Variants in CNTLN observed in about 807,000 individuals in gnomAD.
CNTLN encodes centlein, also known as centlein, centrosomal protein.
Under a neutral mutation model 180.0 loss-of-function variants are expected in CNTLN, and 212 were observed. That is an observed-to-expected ratio of 1.18 (90% CI 1.05 to 1.32). The LOEUF (loss-of-function observed/expected upper bound fraction) is 1.32, where lower values mean the gene tolerates loss of function less well. Ranked by LOEUF, CNTLN falls within the 40% of genes most tolerant of loss-of-function variation. The pLI is 0.00. For missense variants in CNTLN, 2,095 were observed against 1,610.9 expected (o/e 1.30, Z -5.14); for synonymous variants, 722 against 563.1 (o/e 1.28, Z -3.99).
rs1825564826 is a variant in CNTLN at position 17,384,865 on chromosome 9, T to G, written c.1988-3297T>G. 2.0e-5 allele frequency among the ~76,000 whole-genome samples: 3 copies of G among 152,202 alleles called. No homozygotes were observed. The South Asian group carries it at 6.2e-4, about 31-fold the overall frequency. On this transcript the variant is annotated intron_variant, in intron 13 of 25. Transcript: ENST00000380647. ...CCCAACAACTAACTCATTGCTTCTC[T>G]AAACTCCAATTGGGCAATTCAGTTC...
the CNTLN span, among the ~76,000 whole-genome samples, chr9:17,526,879 G>A: frequency 6.6e-6 from 1 of 151,016 alleles, no homozygotes; most frequent in Admixed American, 6.6e-5. Context: ...GTCTTGCTGT[G>A]TCACCCAGGC....
In CNTLN at chr9:17,456,087, T is replaced by C. The variant is rs567312334; in HGVS notation, c.3115-1437T>C. On this transcript the variant is annotated intron_variant, in intron 18 of 25. Coordinates refer to ENST00000380647, the MANE Select transcript of CNTLN (RefSeq NM_017738.4). ...ATAATGAGGGTTTGCATTAAGAGAGTGGCTGAAAGGAATGAAAATGAGAAA... is the reference window on the plus strand; with the variant it reads ...ATAATGAGGGTTTGCATTAAGAGAGCGGCTGAAAGGAATGAAAATGAGAAA... Among the ~76,000 whole-genome samples the C allele has an allele frequency of 1.2e-3, 180 of 151,992 alleles. 1 individual carries two copies. Among genetic ancestry groups the C allele is most frequent in the South Asian group, 3.7e-3 (18 of 4,812 alleles).
chr9:17,420,983 GGTCTATT>G (rs1296479767), intron 18 of CNTLN, among the ~76,000 whole-genome samples: 1 of 152,048 alleles, frequency 6.6e-6, no homozygotes, highest in African/African-American at 2.4e-5. Flanking sequence ...CCTAACATAT[GGTCTATT>G]CTTGAGACTC....
intron 18 of CNTLN, among the ~76,000 whole-genome samples, chr9:17,452,954 A>G (rs1830871034): frequency 6.6e-6 from 1 of 152,196 alleles, no homozygotes; most frequent in South Asian, 2.1e-4. Flanking sequence ...GGTAGAGGCA[A>G]TTTATATTTC....
At chr9:17,436,979 G>A (rs1829815100) in intron 18 of CNTLN, among the ~76,000 whole-genome samples, 1 of 152,174 alleles carries the variant, frequency 6.6e-6, no homozygotes, top group Non-Finnish European at 1.5e-5. Flanking sequence ...CGTGGCTTTT[G>A]CCAGATGAAG....
intron 2 of CNTLN, among the ~76,000 whole-genome samples, chr9:17,160,986 A>G (rs977882124): frequency 2.0e-5 from 3 of 152,194 alleles, no homozygotes; most frequent in African/African-American, 7.2e-5. Flanking sequence ...AATACTCTCT[A>G]ATAGGAAAGA....
chr9:17,484,533 A>C (rs1475629693), intron 24 of CNTLN, 53 bp downstream of exon 24: 26 of 1,381,542 alleles, frequency 1.9e-5, no homozygotes, highest in Non-Finnish European at 2.6e-5. Context: ...ACTGGACTTA[A>C]GTAGATATTT....
intron 6 of CNTLN, among the ~76,000 whole-genome samples, chr9:17,296,956 A>G (rs1227871644): frequency 3.9e-5 from 6 of 152,170 alleles, no homozygotes; most frequent in African/African-American, 1.4e-4. Flanking sequence ...AAGACATTTT[A>G]TGTGAATGAA....
intron 5 of CNTLN, among the ~76,000 whole-genome samples, chr9:17,267,552 G>A (rs560478360): frequency 9.2e-5 from 14 of 151,758 alleles, no homozygotes; most frequent in South Asian, 8.3e-4. Context: ...TCTTTGTGGC[G>A]TTCTCTGTGT....
intron 13 of CNTLN, 48 bp downstream of exon 13, chr9:17,366,765 G>A (rs1219017917): frequency 3.9e-6 from 4 of 1,033,980 alleles, no homozygotes; most frequent in East Asian, 5.1e-5. Flanking sequence ...TTAAAATTGT[G>A]TAATTCTTGA....
chr9:17,508,600 C>T (rs993887064), downstream of CNTLN, among the ~76,000 whole-genome samples: 30 of 152,278 alleles, frequency 2.0e-4, no homozygotes, highest in Middle Eastern at 6.8e-3. Context: ...CCCTGGCCGC[C>T]ACCGACCTGT....
intron 13 of CNTLN, among the ~76,000 whole-genome samples, chr9:17,383,659 A>C: frequency 6.6e-6 from 1 of 151,284 alleles, no homozygotes; most frequent in Non-Finnish European, 1.5e-5. Flanking sequence ...TTTTTTTGAG[A>C]TGGAGCCTTG....
intron 7 of CNTLN, among the ~76,000 whole-genome samples, chr9:17,306,341 G>T (rs2132876872): frequency 6.6e-6 from 1 of 152,164 alleles, no homozygotes; most frequent in South Asian, 2.1e-4. Flanking sequence ...TAGAGACAGG[G>T]TTTCTCCATG....
At chr9:17,158,432 A>G (rs752023726) in intron 2 of CNTLN, among the ~76,000 whole-genome samples, 3 of 152,130 alleles carry the variant, frequency 2.0e-5, no homozygotes. Context: ...AAATTTTATG[A>G]AGAATTTTTG....
chr9:17,429,820 A>T (rs1349255143), intron 18 of CNTLN, among the ~76,000 whole-genome samples: 1 of 151,966 alleles, frequency 6.6e-6, no homozygotes, highest in Non-Finnish European at 1.5e-5. Context: ...TACCCCTTTT[A>T]AGTATAGTAG....
intron 18 of CNTLN, among the ~76,000 whole-genome samples, chr9:17,432,059 C>T (rs1182299686): frequency 6.6e-6 from 1 of 151,886 alleles, no homozygotes; most frequent in Non-Finnish European, 1.5e-5. Flanking sequence ...TATTTTCATC[C>T]TTATGGTGAT....
At chr9:17,297,602 G>A (rs527632669) in intron 6 of CNTLN, among the ~76,000 whole-genome samples, 1 of 152,162 alleles carries the variant, frequency 6.6e-6, no homozygotes, top group Non-Finnish European at 1.5e-5. Flanking sequence ...GGGTAGGTTC[G>A]AAGGACTGGA....
chr9:17,173,554 A>C (rs1325139718), intron 2 of CNTLN, among the ~76,000 whole-genome samples: 1 of 152,168 alleles, frequency 6.6e-6, no homozygotes, highest in African/African-American at 2.4e-5. Flanking sequence ...GGCTGAAATT[A>C]TGGTATTAAA....
chr9:17,255,597 A>C (rs1371042928), intron 5 of CNTLN, among the ~76,000 whole-genome samples: 2 of 151,776 alleles, frequency 1.3e-5, no homozygotes, highest in Non-Finnish European at 2.9e-5. Context: ...TTTGTGCATC[A>C]ATATTCATCA....
Sources: allele counts gnomAD v4.1 joint callset (sites outside exome capture counted in the v4.1 genomes callset), GRCh38; gene constraint gnomAD v4.1.1; transcripts MANE v1.5; gene names NCBI Gene and HGNC (gene_info 2026-07-23, HGNC 2026-07-21).